ITFG1: variants seen among roughly 807,000 people sequenced by gnomAD.
The protein encoded by ITFG1 is integrin alpha FG-GAP repeat containing 1.
ITFG1 carries 34 observed loss-of-function variants against 81.8 expected under a neutral mutation model. The observed-to-expected ratio is 0.42, with a 90% CI of 0.32 to 0.55. ITFG1 has a LOEUF of 0.55. Among genes scored for constraint, ITFG1 ranks in the 20% least tolerant of loss-of-function variants. The pLI, the probability that ITFG1 is intolerant of heterozygous loss-of-function variation, is 0.17. For missense variants in ITFG1, 672 were observed against 755.4 expected (o/e 0.89, Z 1.29); for synonymous variants, 285 against 270.6 (o/e 1.05, Z -0.52).
chr16:47,411,272 G>T (rs1253785451), intron 6 of ITFG1, among the ~76,000 whole-genome samples: 1 of 152,190 alleles, frequency 6.6e-6, no homozygotes, highest in East Asian at 1.9e-4. Context: ...GCCAGGAAGG[G>T]TGTCGCCCAT....
At position 47,428,721 on chromosome 16, in the gene ITFG1, C is replaced by T. The variant is rs1207203338; in HGVS notation, c.655+83G>A. On this transcript the variant is annotated intron_variant, in intron 6 of 17. Coordinates refer to ENST00000320640, the MANE Select transcript of ITFG1 (RefSeq NM_030790.5). ...TTAATTTCAACATTTACTTCATTAGCAATTAAATACAAAGTGTACAGTAAA... is the reference window on the plus strand; with the variant it reads ...TTAATTTCAACATTTACTTCATTAGTAATTAAATACAAAGTGTACAGTAAA... The T allele has an allele frequency of 1.3e-5, 11 of 816,902 alleles. 1 individual carries two copies. The East Asian group carries it at 2.5e-4, about 18-fold the overall frequency. The allele number at this position is 816,902 out of a possible 1,614,324, so 50.6% of individuals were successfully genotyped here.
chr16:47,165,282 T>C (rs1205284078), intron 14 of ITFG1, among the ~76,000 whole-genome samples: 2 of 152,244 alleles, frequency 1.3e-5, no homozygotes, highest in Non-Finnish European at 1.5e-5. Context: ...TCCAAAAATA[T>C]GCAATCACTG....
intron 6 of ITFG1, among the ~76,000 whole-genome samples, chr16:47,394,073 T>C (rs1459389896): frequency 1.3e-5 from 2 of 152,208 alleles, no homozygotes; most frequent in Non-Finnish European, 2.9e-5. Flanking sequence ...AAAGATATAC[T>C]GCAGAGCAGC....
intron 10 of ITFG1, among the ~76,000 whole-genome samples, chr16:47,310,689 T>C (rs1372548975): frequency 6.6e-6 from 1 of 152,226 alleles, no homozygotes; most frequent in Non-Finnish European, 1.5e-5. Context: ...GCAACAATAA[T>C]GTAACAACAT....
intron 10 of ITFG1, among the ~76,000 whole-genome samples, chr16:47,306,574 T>C (rs1967162694): frequency 6.6e-6 from 1 of 152,010 alleles, no homozygotes; most frequent in African/African-American, 2.4e-5. Context: ...GCTCACAATA[T>C]TTAGTCTTAA....
At chr16:47,178,531 A>G (rs1250316582) in intron 14 of ITFG1, among the ~76,000 whole-genome samples, 1 of 152,242 alleles carries the variant, frequency 6.6e-6, no homozygotes, top group Non-Finnish European at 1.5e-5. Context: ...ATATGTAGAA[A>G]GCTGAAACTG....
At chr16:47,181,714 G>T (rs2151513900) in intron 14 of ITFG1, among the ~76,000 whole-genome samples, 1 of 152,336 alleles carries the variant, frequency 6.6e-6, no homozygotes, top group East Asian at 1.9e-4. Context: ...GGGCCATGAT[G>T]ACAATGGCGG....
intron 13 of ITFG1, among the ~76,000 whole-genome samples, chr16:47,234,315 CA>C (rs1295335986): frequency 6.6e-6 from 1 of 151,904 alleles, no homozygotes; most frequent in African/African-American, 2.4e-5. Context: ...AACTAAGAAT[CA>C]AAACGAAATA....
At chr16:47,247,472 C>T (rs1401579702) in intron 12 of ITFG1, among the ~76,000 whole-genome samples, 1 of 152,106 alleles carries the variant, frequency 6.6e-6, no homozygotes, top group Non-Finnish European at 1.5e-5. Context: ...GGGTAAACCT[C>T]AAGGCAAATA....
chr16:47,395,415 G>A (rs1011871040), intron 6 of ITFG1, among the ~76,000 whole-genome samples: 1 of 152,136 alleles, frequency 6.6e-6, no homozygotes, highest in African/African-American at 2.4e-5. Context: ...TAGGGATGCC[G>A]TAAATTGTCA....
intron 6 of ITFG1, chr16:47,426,367 A>T (rs1031102728): frequency 3.3e-5 from 5 of 151,830 alleles, no homozygotes; most frequent in Admixed American, 2.6e-4. Context: ...GAATTGTAAG[A>T]AACAAAAGTT....
At chr16:47,266,429 G>T (rs932775803) in intron 10 of ITFG1, among the ~76,000 whole-genome samples, 1 of 152,132 alleles carries the variant, frequency 6.6e-6, no homozygotes, top group African/African-American at 2.4e-5. Flanking sequence ...TGTTGGCCCG[G>T]CTGGTCTTGA....
In ITFG1 at chr16:47,459,507, C is replaced by A. The variant is rs570200094; in HGVS notation, c.209-332G>T. Among the ~76,000 whole-genome samples, 10 of 152,290 alleles carry A rather than the reference C, an allele frequency of 6.6e-5. No homozygotes were observed. In the South Asian group the frequency reaches 2.1e-3, roughly 32 times the overall value. ...GATGCCTTATAACTATACTACATGTCAAGACTTGTCTTCCCCGAATCTAGC... is the reference window on the plus strand; with the variant it reads ...GATGCCTTATAACTATACTACATGTAAAGACTTGTCTTCCCCGAATCTAGC... On this transcript the variant is annotated intron_variant, in intron 1 of 17. Coordinates refer to ENST00000320640, the MANE Select transcript of ITFG1 (RefSeq NM_030790.5).
chr16:47,186,819 T>C (rs2151515932), intron 14 of ITFG1, among the ~76,000 whole-genome samples: 1 of 152,316 alleles, frequency 6.6e-6, no homozygotes, highest in East Asian at 1.9e-4. Flanking sequence ...GGAAGTCAAA[T>C]TGTCCCTGTT....
intron 14 of ITFG1, among the ~76,000 whole-genome samples, chr16:47,184,423 A>G (rs543767695): frequency 6.6e-6 from 1 of 152,230 alleles, no homozygotes; most frequent in Admixed American, 6.5e-5. Flanking sequence ...GACTAACAGC[A>G]GATCTCTCGG....
At chr16:47,352,727 T>C (rs1967980236) in intron 8 of ITFG1, among the ~76,000 whole-genome samples, 1 of 152,210 alleles carries the variant, frequency 6.6e-6, no homozygotes, top group Non-Finnish European at 1.5e-5. Flanking sequence ...CAAAGGAATA[T>C]AAATCATGCT....
chr16:47,311,923 G>A (rs937652516), intron 9 of ITFG1: 3 of 152,172 alleles, frequency 2.0e-5, no homozygotes, highest in African/African-American at 7.2e-5. Flanking sequence ...CCTTCCAGCC[G>A]AGCAGCTCCT....
intron 6 of ITFG1, among the ~76,000 whole-genome samples, chr16:47,424,478 T>C (rs1302701706): frequency 6.6e-6 from 1 of 152,186 alleles, no homozygotes; most frequent in Non-Finnish European, 1.5e-5. Flanking sequence ...CTCTTGCTGG[T>C]GAGGAGCTGC....
rs151072596 is a variant in ITFG1 at position 47,338,036 on chromosome 16, C to T, written c.803-24213G>A. Among the ~76,000 whole-genome samples, 645 of 152,340 alleles carry T rather than the reference C, an allele frequency of 4.2e-3. 5 individuals are homozygous for T. Among genetic ancestry groups the T allele is most frequent in the South Asian group, 8.1e-3 (39 of 4,826 alleles). Reference sequence around the variant, plus strand: ...TGTCAAAACATTAGATGAACACGAACTGAAGGAACAGAAATTTCAGTGACA... The same window carrying T: ...TGTCAAAACATTAGATGAACACGAATTGAAGGAACAGAAATTTCAGTGACA... On this transcript the variant is annotated intron_variant, in intron 8 of 17. Coordinates refer to ENST00000320640, the MANE Select transcript of ITFG1 (RefSeq NM_030790.5).
Sources: allele counts gnomAD v4.1 joint callset (sites outside exome capture counted in the v4.1 genomes callset), GRCh38; gene constraint gnomAD v4.1.1; transcripts MANE v1.5; gene names NCBI Gene and HGNC (gene_info 2026-07-23, HGNC 2026-07-21).